SCARA5: variants seen among roughly 807,000 people sequenced by gnomAD.
SCARA5 encodes the protein scavenger receptor class A member 5.
In SCARA5, 45 loss-of-function variants were observed where a neutral mutation model predicts 46.3. The ratio of observed to expected loss-of-function variants is 0.97; its 90% CI spans 0.76 to 1.24. SCARA5 has a LOEUF of 1.24. Among genes scored for constraint, SCARA5 ranks in the 50% most tolerant of loss-of-function variants. SCARA5 has a pLI of 0.00. For synonymous variants in SCARA5, 333 were observed against 306.5 expected (o/e 1.09, Z -0.90); for missense variants, 680 against 689.0 (o/e 0.99, Z 0.15).
chr8:27,893,354 G>C (rs1233349737), intron 7 of SCARA5, among the ~76,000 whole-genome samples: 1 of 152,178 alleles, frequency 6.6e-6, no homozygotes, highest in Non-Finnish European at 1.5e-5. Flanking sequence ...TGCAATGCTA[G>C]GGCTGCGACC....
intron 3 of SCARA5, among the ~76,000 whole-genome samples, chr8:27,948,396 A>C (rs971024847): frequency 6.6e-6 from 1 of 152,226 alleles, no homozygotes; most frequent in Non-Finnish European, 1.5e-5. Context: ...TCACAACTGA[A>C]GTCTCAGGAC....
intron 2 of SCARA5, among the ~76,000 whole-genome samples, chr8:27,967,869 C>T (rs541238472): frequency 1.3e-4 from 20 of 152,132 alleles, no homozygotes; most frequent in East Asian, 5.8e-4. Context: ...GCTGAGATCA[C>T]GCCACTGCAC....
intron 4 of SCARA5, among the ~76,000 whole-genome samples, chr8:27,916,883 G>T (rs1052605070): frequency 1.3e-5 from 2 of 152,128 alleles, no homozygotes; most frequent in Admixed American, 1.3e-4. Flanking sequence ...AATCACCAAG[G>T]CAATGGTATC....
chr8:27,917,668 C>G lies in SCARA5; in HGVS notation c.916+3903G>C, dbSNP rs535972409. Among the ~76,000 whole-genome samples the G allele has an allele frequency of 2.0e-5, 3 of 152,236 alleles. No homozygotes were observed. In the South Asian group the frequency reaches 6.2e-4, roughly 32 times the overall value. On this transcript the variant is annotated intron_variant, in intron 4 of 8. Transcript: ENST00000354914. Reference sequence around the variant, plus strand: ...CTCATCTATAAAGTGGGCAATAAGACCTTTTTGCAGGATGTGAGGATTCGT... The same window carrying G: ...CTCATCTATAAAGTGGGCAATAAGAGCTTTTTGCAGGATGTGAGGATTCGT...
chr8:27,895,154 A>C (rs1807043706), intron 7 of SCARA5, among the ~76,000 whole-genome samples: 1 of 152,220 alleles, frequency 6.6e-6, no homozygotes, highest in Non-Finnish European at 1.5e-5. Context: ...GGAGAATAGA[A>C]ATAAACACAT....
intron 1 of SCARA5, among the ~76,000 whole-genome samples, chr8:27,988,481 T>G (rs1327779654): frequency 6.6e-6 from 1 of 152,202 alleles, no homozygotes; most frequent in African/African-American, 2.4e-5. Context: ...CATGCACGCG[T>G]AAGGTGCGTG....
intron 3 of SCARA5, among the ~76,000 whole-genome samples, chr8:27,923,630 C>T (rs1484653895): frequency 3.3e-5 from 5 of 152,198 alleles, no homozygotes; most frequent in Non-Finnish European, 1.5e-5. Context: ...GGTTGGAGTG[C>T]AGTGGTGCAA....
chr8:27,920,642 C>CA (rs1190201495), intron 4 of SCARA5, among the ~76,000 whole-genome samples: 2 of 144,046 alleles, frequency 1.4e-5, no homozygotes, highest in Non-Finnish European at 1.5e-5. Context: ...CAAAACAAAA[C>CA]AAAAAAACAA....
intron 4 of SCARA5, among the ~76,000 whole-genome samples, chr8:27,918,440 A>C (rs1807501934): frequency 7.7e-6 from 1 of 129,504 alleles, no homozygotes; most frequent in Non-Finnish European, 1.6e-5. Flanking sequence ...GAAGAGGGAG[A>C]CTTCAGGGAG....
At chr8:27,882,377 G>A (rs143765482) in intron 7 of SCARA5, among the ~76,000 whole-genome samples, 1 of 152,334 alleles carries the variant, frequency 6.6e-6, no homozygotes, top group African/African-American at 2.4e-5. Context: ...TTTTCATGTG[G>A]ATGTCAGTTT....
chr8:27,943,924 T>A (rs989480329), intron 3 of SCARA5, among the ~76,000 whole-genome samples: 16 of 152,228 alleles, frequency 1.1e-4, no homozygotes, highest in African/African-American at 3.9e-4. Context: ...TACAGTAGAT[T>A]ATTCTGACCA....
At chr8:27,976,981 G>C (rs1213623130) in intron 2 of SCARA5, among the ~76,000 whole-genome samples, 1 of 152,186 alleles carries the variant, frequency 6.6e-6, no homozygotes. Flanking sequence ...GGCTGCCACA[G>C]CAAAGTACCA....
intron 3 of SCARA5, among the ~76,000 whole-genome samples, chr8:27,947,708 T>TAAAA (rs34760183): frequency 8.9e-6 from 1 of 112,888 alleles, no homozygotes. Flanking sequence ...GTGTCTCTAC[T>TAAAA]AAAAAAAAAA....
intron 3 of SCARA5, among the ~76,000 whole-genome samples, chr8:27,956,497 C>T (rs534821801): frequency 6.6e-6 from 1 of 152,258 alleles, no homozygotes; most frequent in South Asian, 2.1e-4. Context: ...TGCAAAAGCA[C>T]TTCATGTATT....
chr8:27,945,959 C>T (rs1049990814), intron 3 of SCARA5, among the ~76,000 whole-genome samples: 4 of 152,212 alleles, frequency 2.6e-5, no homozygotes, highest in Non-Finnish European at 5.9e-5. Flanking sequence ...TTGCTGATGA[C>T]TGTGCAAATA....
chr8:27,901,414 G>C (rs909034697), intron 7 of SCARA5, among the ~76,000 whole-genome samples: 1 of 152,088 alleles, frequency 6.6e-6, no homozygotes, highest in Non-Finnish European at 1.5e-5. Flanking sequence ...TGCTGCAAAC[G>C]CTTTTTTCCC....
chr8:27,968,402 A>C (rs1197762314), intron 2 of SCARA5, among the ~76,000 whole-genome samples: 8 of 152,200 alleles, frequency 5.3e-5, no homozygotes, highest in African/African-American at 1.9e-4. Context: ...CGCTAAGACA[A>C]AATAGAGCAC....
intron 4 of SCARA5, among the ~76,000 whole-genome samples, chr8:27,917,684 G>A (rs1807484202): frequency 1.3e-5 from 2 of 152,196 alleles, no homozygotes; most frequent in African/African-American, 4.8e-5. Context: ...TGCAGGATGT[G>A]AGGATTCGTG....
intron 2 of SCARA5, among the ~76,000 whole-genome samples, chr8:27,981,929 C>T (rs1185947137): frequency 1.3e-5 from 2 of 152,224 alleles, no homozygotes; most frequent in East Asian, 3.9e-4. Flanking sequence ...CCCAGGAAAT[C>T]CATTCCCATC....
Sources: allele counts gnomAD v4.1 joint callset (sites outside exome capture counted in the v4.1 genomes callset), GRCh38; gene constraint gnomAD v4.1.1; transcripts MANE v1.5; gene names NCBI Gene and HGNC (gene_info 2026-07-23, HGNC 2026-07-21).